LRP1B: variants seen among roughly 807,000 people sequenced by gnomAD.
LRP1B encodes low-density lipoprotein receptor-related protein 1B.
Under a neutral mutation model 556.6 loss-of-function variants are expected in LRP1B, and 217 were observed. That is an observed-to-expected ratio of 0.39 (90% CI 0.35 to 0.44). LRP1B has a LOEUF of 0.44. Ranked by LOEUF, LRP1B falls within the 20% of genes least tolerant of loss-of-function variation. The pLI, the probability that LRP1B is intolerant of heterozygous loss-of-function variation, is 1.00. For missense variants in LRP1B, 5,053 were observed against 5,620.8 expected, an observed-to-expected ratio of 0.90 and a Z score of 3.23; for synonymous variants, 2,047 against 1,865.8, an observed-to-expected ratio of 1.10 and a Z score of -2.50.
intron 1 of LRP1B, among the ~76,000 whole-genome samples, chr2:141,986,444 A>G (rs970847438): frequency 6.6e-6 from 1 of 151,946 alleles, no homozygotes; most frequent in Non-Finnish European, 1.5e-5. Context: ...TCTGAGTATC[A>G]GAGACAAGAA....
chr2:141,136,772 T>C (rs1701503319), intron 7 of LRP1B, among the ~76,000 whole-genome samples: 1 of 151,764 alleles, frequency 6.6e-6, no homozygotes, highest in Non-Finnish European at 1.5e-5. Flanking sequence ...AGGAGAAAGA[T>C]ATATGGGTTG....
At chr2:140,733,105 A>T (rs1290309670) in intron 35 of LRP1B, among the ~76,000 whole-genome samples, 1 of 152,282 alleles carries the variant, frequency 6.6e-6, no homozygotes, top group African/African-American at 2.4e-5. Context: ...AGACTAGTAG[A>T]TAATTGGATA....
chr2:142,130,040 C>T (rs567363643), intron 1 of LRP1B, among the ~76,000 whole-genome samples: 16 of 152,074 alleles, frequency 1.1e-4, no homozygotes, highest in Non-Finnish European at 1.9e-4. Context: ...GTCACAGACC[C>T]TCATAATCGA....
chr2:141,201,496 C>G (rs529183794), intron 6 of LRP1B, among the ~76,000 whole-genome samples: 1 of 152,218 alleles, frequency 6.6e-6, no homozygotes, highest in African/African-American at 2.4e-5. Context: ...TTATTTGAGA[C>G]TACCAATTAC....
chr2:141,597,178 C>T (rs1192899019), intron 2 of LRP1B, among the ~76,000 whole-genome samples: 1 of 151,948 alleles, frequency 6.6e-6, no homozygotes, highest in African/African-American at 2.4e-5. Context: ...CTGCCCATGT[C>T]AACCACCAGT....
At chr2:140,246,186 C>T (rs1229718196) in intron 87 of LRP1B, among the ~76,000 whole-genome samples, 1 of 151,218 alleles carries the variant, frequency 6.6e-6, no homozygotes, top group African/African-American at 2.4e-5. Flanking sequence ...TTCACTAACT[C>T]TGAAACACTA....
chr2:140,313,932 A>G (rs754472996), intron 83 of LRP1B, among the ~76,000 whole-genome samples: 9 of 151,976 alleles, frequency 5.9e-5, no homozygotes, highest in Non-Finnish European at 1.3e-4. Flanking sequence ...ATTAATAAGA[A>G]AATATTTATA....
At chr2:140,663,903 T>C (rs919986851) in intron 41 of LRP1B, among the ~76,000 whole-genome samples, 1 of 152,176 alleles carries the variant, frequency 6.6e-6, no homozygotes, top group African/African-American at 2.4e-5. Context: ...CTCTTCTTTT[T>C]TTACTTGAAC....
intron 65 of LRP1B, 101 bp downstream of exon 65, chr2:140,444,229 A>G (rs2105303587): frequency 8.0e-7 from 1 of 1,250,866 alleles, no homozygotes; most frequent in Non-Finnish European, 1.1e-6. Context: ...TTTCTTTTCA[A>G]TTTATCTACA....
At chr2:141,153,269 A>AAT (rs567294259) in intron 7 of LRP1B, among the ~76,000 whole-genome samples, 1 of 128,962 alleles carries the variant, frequency 7.8e-6, no homozygotes, top group Non-Finnish European at 1.6e-5. Context: ...TATTTATAAT[A>AAT]ATATATATAA....
intron 2 of LRP1B, among the ~76,000 whole-genome samples, chr2:141,709,613 G>T (rs909112634): frequency 1.3e-5 from 2 of 152,086 alleles, no homozygotes; most frequent in Non-Finnish European, 2.9e-5. Flanking sequence ...AGACGTATGA[G>T]TAAGTTAGAA....
intron 7 of LRP1B, among the ~76,000 whole-genome samples, chr2:141,079,868 G>A (rs996976376): frequency 6.6e-6 from 1 of 152,116 alleles, no homozygotes; most frequent in Non-Finnish European, 1.5e-5. Context: ...TCCAGCATTA[G>A]ATTCTAAGCA....
chr2:140,335,147 G>A (rs1395413253), intron 78 of LRP1B, among the ~76,000 whole-genome samples: 1 of 151,658 alleles, frequency 6.6e-6, no homozygotes, highest in Non-Finnish European at 1.5e-5. Context: ...CTAAAAGAAG[G>A]AAATGTCTGT....
chr2:141,482,838 T>C (rs1682973091), intron 2 of LRP1B, among the ~76,000 whole-genome samples: 2 of 152,266 alleles, frequency 1.3e-5, no homozygotes, highest in South Asian at 4.1e-4. Context: ...GTTCTAAAAG[T>C]TACCCTCAGA....
At chr2:140,305,441 G>C (rs1443978636) in intron 83 of LRP1B, among the ~76,000 whole-genome samples, 1 of 152,172 alleles carries the variant, frequency 6.6e-6, no homozygotes, top group African/African-American at 2.4e-5. Flanking sequence ...GTTCACTCAT[G>C]ATTTGGCTCT....
At chr2:141,614,259 A>G (rs1426437221) in intron 2 of LRP1B, among the ~76,000 whole-genome samples, 1 of 152,120 alleles carries the variant, frequency 6.6e-6, no homozygotes, top group African/African-American at 2.4e-5. Context: ...GCTGCACAGA[A>G]CACACTTTGA....
chr2:141,879,456 G>GT (rs1468779294), intron 1 of LRP1B, among the ~76,000 whole-genome samples: 4 of 151,790 alleles, frequency 2.6e-5, no homozygotes, highest in Non-Finnish European at 5.9e-5. Flanking sequence ...AACAAAATCA[G>GT]TTTTTTAAAA....
chr2:140,740,778 C>T (rs985753986), intron 35 of LRP1B, among the ~76,000 whole-genome samples: 1 of 152,084 alleles, frequency 6.6e-6, no homozygotes, highest in Non-Finnish European at 1.5e-5. Flanking sequence ...CCATCTTCTC[C>T]CTATATCTTC....
At chr2:141,965,002 T>C (rs1216220812) in intron 1 of LRP1B, among the ~76,000 whole-genome samples, 92 of 144,976 alleles carry the variant, frequency 6.3e-4, no homozygotes, top group African/African-American at 2.1e-3. Flanking sequence ...AAAATGCTCA[T>C]CATCACTGGC....
Sources: allele counts gnomAD v4.1 joint callset (sites outside exome capture counted in the v4.1 genomes callset), GRCh38; gene constraint gnomAD v4.1.1; transcripts MANE v1.5; gene names NCBI Gene and HGNC (gene_info 2026-07-23, HGNC 2026-07-21).